The following KIAA1549L variants were observed in gnomAD, a reference collection of about 807,000 sequenced individuals.
The protein encoded by KIAA1549L is KIAA1549 like.
Under a neutral mutation model 160.7 loss-of-function variants are expected in KIAA1549L, and 88 were observed. That is an observed-to-expected ratio of 0.55 (90% CI 0.46 to 0.65). The LOEUF is 0.65. Among genes scored for constraint, KIAA1549L ranks in the 30% least tolerant of loss-of-function variants. The pLI, the probability that KIAA1549L is intolerant of heterozygous loss-of-function variation, is 0.00. For missense variants in KIAA1549L, 2,258 were observed against 2,437.5 expected (o/e 0.93, Z 1.55); for synonymous variants, 950 against 976.7 (o/e 0.97, Z 0.51).
chr11:33,442,397 A>C (rs1034915881), intron 1 of KIAA1549L, among the ~76,000 whole-genome samples: 1 of 151,830 alleles, frequency 6.6e-6, no homozygotes, highest in Non-Finnish European at 1.5e-5. Context: ...TTGACTTGGC[A>C]ATGCGGGCTC....
At chr11:33,422,544 CCCCTTCCCCCCCTCCT>C (rs1390628885) in intron 1 of KIAA1549L, among the ~76,000 whole-genome samples, 2 of 106,570 alleles carry the variant, frequency 1.9e-5, no homozygotes, top group Non-Finnish European at 3.8e-5. Context: ...TCCCCCCTCC[CCCCTTCCCCCCCTCCT>C]CTCCCTCCCT....
chr11:33,495,083 T>TTTATTATTATTATTATTATTATTA (rs367711015), intron 1 of KIAA1549L, among the ~76,000 whole-genome samples: 2 of 151,898 alleles, frequency 1.3e-5, no homozygotes, highest in African/African-American at 4.8e-5. Context: ...CATTTGCTAC[T>TTTATTATTATTATTATTATTATTA]TTATTATTAT....
At chr11:33,551,687 C>T (rs1207393051) in intron 5 of KIAA1549L, among the ~76,000 whole-genome samples, 1 of 151,878 alleles carries the variant, frequency 6.6e-6, no homozygotes, top group African/African-American at 2.4e-5. Context: ...CTGGTGATTT[C>T]GGGTCTGCAA....
In KIAA1549L at chr11:33,421,301, G is replaced by T. The variant is rs185342045; in HGVS notation, c.238+44412G>T. Among the ~76,000 whole-genome samples the T allele has an allele frequency of 8.9e-4, 135 of 152,242 alleles. 1 individual carries two copies. The highest frequency in any genetic ancestry group is 5.8e-4 in the East Asian group (3 of 5,172). On this transcript the variant is annotated intron_variant, in intron 1 of 20. Transcript: ENST00000658780. ...CTGGGGCTGTAGCAGTAGATTATGG[G>T]GTGGGGGTGAGCAGATCGGAGAGGA...
chr11:33,431,125 G>T (rs972261609), intron 1 of KIAA1549L, among the ~76,000 whole-genome samples: 1 of 152,088 alleles, frequency 6.6e-6, no homozygotes, highest in East Asian at 1.9e-4. Context: ...CGTTCCTCCT[G>T]GTGGGCTCGT....
At chr11:33,651,965 A>T (rs1851910503) in intron 17 of KIAA1549L, among the ~76,000 whole-genome samples, 1 of 137,838 alleles carries the variant, frequency 7.3e-6, no homozygotes, top group South Asian at 2.6e-4. Context: ...CTTCCATGTT[A>T]CAACCAAACT....
At chr11:33,509,157 C>T (rs1164178456) in intron 1 of KIAA1549L, among the ~76,000 whole-genome samples, 1 of 152,220 alleles carries the variant, frequency 6.6e-6, no homozygotes, top group Non-Finnish European at 1.5e-5. Context: ...GTTGGCACTT[C>T]TGTCTTCCCC....
chr11:33,478,220 C>T (rs1852331117), intron 1 of KIAA1549L, among the ~76,000 whole-genome samples: 1 of 152,258 alleles, frequency 6.6e-6, no homozygotes, highest in South Asian at 2.1e-4. Flanking sequence ...GCACCACCAC[C>T]TGCAGTCCTG....
intron 1 of KIAA1549L, among the ~76,000 whole-genome samples, chr11:33,382,361 C>T (rs986792382): frequency 2.6e-5 from 4 of 152,024 alleles, no homozygotes; most frequent in South Asian, 2.1e-4. Flanking sequence ...TAGCAATGCA[C>T]GTTGAGTTTG....
At chr11:33,662,979 T>C (rs775192283) in intron 20 of KIAA1549L, among the ~76,000 whole-genome samples, 29 of 152,210 alleles carry the variant, frequency 1.9e-4, no homozygotes, top group Non-Finnish European at 3.2e-4. Context: ...TGCAGCCTAA[T>C]TGGGCCTTTC....
Position 33,568,086 on chromosome 11 carries a change from T to A in KIAA1549L, c.4089T>A (p.Gly1363=), listed in dbSNP as rs1323423156. 1.2e-6 allele frequency: 2 copies of A among 1,610,554 alleles called. No homozygotes were observed. Among genetic ancestry groups the A allele is most frequent in the Middle Eastern group, 1.7e-4 (1 of 6,048 alleles). The part of the protein sequence containing the change: ...RDYWVITVLQ[G]VDNSLVGLHN... ...CTTCTGCATCCACAGTGCTGCAGGG[T>A]GTGGACAATTCGCTGGTGGGCCTGC... is the stretch of plus-strand genomic sequence containing the variant. The change falls in exon 9 of 21, where the codon GGT becomes GGA. Residue 1363 remains glycine, a synonymous_variant. Coordinates refer to ENST00000658780, the MANE Select transcript of KIAA1549L (RefSeq NM_012194.3).
rs146636140 is a variant in KIAA1549L, at chr11:33,445,755, T to C, written c.238+68866T>C. ...GACAGTAGTGCCTGTTTCATAGGACTGAATAAGATAACAGATGTAAAGTGC... is the reference window on the plus strand; with the variant it reads ...GACAGTAGTGCCTGTTTCATAGGACCGAATAAGATAACAGATGTAAAGTGC... On this transcript the variant is annotated intron_variant, in intron 1 of 20. Transcript: ENST00000658780. Among the ~76,000 whole-genome samples, 264 of 152,324 alleles carry C rather than the reference T, an allele frequency of 1.7e-3. 1 individual carries two copies. The highest frequency in any genetic ancestry group is 5.9e-3 in the African/African-American group (247 of 41,578).
intron 16 of KIAA1549L, among the ~76,000 whole-genome samples, chr11:33,631,171 A>G (rs533405796): frequency 6.6e-6 from 1 of 152,160 alleles, no homozygotes; most frequent in Non-Finnish European, 1.5e-5. Context: ...CTCTTGTTCA[A>G]AATCCTCCAG....
Position 33,461,885 on chromosome 11 carries a change from G to C in KIAA1549L, c.239-79917G>C, listed in dbSNP as rs146977811. On this transcript the variant is annotated intron_variant, in intron 1 of 20. Coordinates refer to ENST00000658780, the MANE Select transcript of KIAA1549L (RefSeq NM_012194.3). ...GGATTAGAGCTGGTTTTAGGGCTTA[G>C]GCAATCAACCCCAGGGCTATATGCC... Among the ~76,000 whole-genome samples, 9 of 152,310 alleles carry C rather than the reference G, an allele frequency of 5.9e-5. 1 individual carries two copies. Among genetic ancestry groups the C allele is most frequent in the South Asian group, 2.1e-4 (1 of 4,820 alleles).
At chr11:33,525,328 A>G (rs117335081) in intron 1 of KIAA1549L, among the ~76,000 whole-genome samples, 1,970 of 152,308 alleles carry the variant, frequency 0.013, 24 homozygotes, top group Non-Finnish European at 0.018. Flanking sequence ...TGGGAGAAGG[A>G]TTTAACCTTA....
chr11:33,459,614 A>G (rs894271444), intron 1 of KIAA1549L, among the ~76,000 whole-genome samples: 7 of 152,122 alleles, frequency 4.6e-5, no homozygotes, highest in Non-Finnish European at 8.8e-5. Flanking sequence ...ATTCTGATTC[A>G]TGGCCTCCGT....
At position 33,672,194 on chromosome 11, in the gene KIAA1549L, C is replaced by CCTAT. The variant is rs1204980457; in HGVS notation, c.*4047_*4050dup. ...GGACTTTCTTCTCTGTTTCCCTCTGCCTATCTATCTGCCTGGTTCTCTTGC... is the reference window on the plus strand; with the variant it reads ...GGACTTTCTTCTCTGTTTCCCTCTGCCTATCTATCTATCTGCCTGGTTCTCTTGC... On this transcript the variant is annotated 3_prime_UTR_variant, in exon 21 of 21. Coordinates refer to ENST00000658780, the MANE Select transcript of KIAA1549L (RefSeq NM_012194.3). 1.5e-4 allele frequency: 23 copies of CCTAT among 152,340 alleles called. No individual in the cohort carries two copies. Among genetic ancestry groups the CCTAT allele is most frequent in the African/African-American group, 3.9e-4 (16 of 41,450 alleles). The allele number at this position is 152,340 out of a possible 1,614,324, so 9.4% of individuals were successfully genotyped here.
intron 16 of KIAA1549L, among the ~76,000 whole-genome samples, chr11:33,632,688 CCCT>C (rs1397820605): frequency 1.3e-5 from 2 of 152,062 alleles, no homozygotes; most frequent in Admixed American, 1.3e-4. Context: ...AGGCGAGCCT[CCCT>C]CCTCAGCCTC....
intron 1 of KIAA1549L, among the ~76,000 whole-genome samples, chr11:33,474,202 C>T (rs1001493901): frequency 3.3e-5 from 5 of 152,168 alleles, no homozygotes; most frequent in Admixed American, 1.3e-4. Flanking sequence ...CCTCCAACAT[C>T]GAAAATTACA....
Sources: gnomAD v4.1 joint callset for allele counts (sites outside exome capture counted in the v4.1 genomes callset) on GRCh38, gnomAD v4.1.1 for gene constraint, MANE v1.5 for transcripts, NCBI Gene and HGNC (gene_info 2026-07-23, HGNC 2026-07-21) for gene names.